Variants in PRKAR1A observed in about 807,000 individuals in gnomAD.
PRKAR1A encodes protein kinase cAMP-dependent type I regulatory subunit alpha.
Under a neutral mutation model 52.0 loss-of-function variants are expected in PRKAR1A, and 3 were observed. The ratio of observed to expected loss-of-function variants is 0.06; its 90% confidence interval spans 0.03 to 0.15. The LOEUF (loss-of-function observed/expected upper bound fraction) is 0.15, where lower values mean the gene tolerates loss of function less well. PRKAR1A is among the 10% of genes least tolerant of loss of function. The pLI is 1.00. For missense variants in PRKAR1A, 240 were observed against 477.4 expected, an observed-to-expected ratio of 0.50 and a Z score of 4.63; for synonymous variants, 188 against 168.4, an observed-to-expected ratio of 1.12 and a Z score of -0.90.
the PRKAR1A span, among the ~76,000 whole-genome samples, chr17:68,489,316 GTATATATATATATATATGGAAAGTATA>G: frequency 7.3e-4 from 19 of 26,176 alleles, no homozygotes; most frequent in African/African-American, 3.4e-3. Flanking sequence ...TATATGGAAA[GTATATATATATATATATGGAAAGTATA>G]TATATATATA....
chr17:68,538,390 A>T (rs551001105), downstream of PRKAR1A, among the ~76,000 whole-genome samples: 1 of 152,376 alleles, frequency 6.6e-6, no homozygotes, highest in East Asian at 1.9e-4. Flanking sequence ...CCTAAGACAT[A>T]GATGAGGAAT....
At chr17:68,471,348 T>C in the PRKAR1A span, among the ~76,000 whole-genome samples, 11 of 152,180 alleles carry the variant, frequency 7.2e-5, no homozygotes, top group Non-Finnish European at 1.5e-4. Flanking sequence ...TATATGAATA[T>C]GCACTGGTAA....
At chr17:68,536,637 G>A (rs575882809), downstream of PRKAR1A, 104 of 452,172 alleles carry the variant, frequency 2.3e-4, 4 homozygotes, top group South Asian at 1.5e-3. Context: ...ATTGTGGTTG[G>A]TGGGCTGTAG....
the PRKAR1A span, chr17:68,436,313 A>T: frequency 6.9e-7 from 1 of 1,450,124 alleles, no homozygotes; most frequent in Non-Finnish European, 9.7e-7. Context: ...GGGCGTCCTT[A>T]TCTATCTCCT....
intron 5 of PRKAR1A, 82 bp from the exon 6 acceptor site, chr17:68,524,830 A>G (rs2085735155): frequency 8.7e-7 from 1 of 1,152,928 alleles, no homozygotes; most frequent in Admixed American, 1.7e-5. Context: ...CCACTGTAAA[A>G]TAAGTTTATT....
chr17:68,510,141 C>CAT (rs112768795), upstream of PRKAR1A, among the ~76,000 whole-genome samples: 854 of 120,552 alleles, frequency 7.1e-3, 9 homozygotes, highest in African/African-American at 0.024. Context: ...TACTGAACAC[C>CAT]ATATATATAT....
At chr17:68,421,881 A>G in the PRKAR1A span, 3 of 1,606,796 alleles carry the variant, frequency 1.9e-6, no homozygotes, top group South Asian at 3.3e-5. Flanking sequence ...AGGCAGGTGC[A>G]TTATCAACAG....
exon 12 of PRKAR1A, chr17:68,551,107 A>G: frequency 8.1e-7 from 1 of 1,234,272 alleles, no homozygotes; most frequent in Non-Finnish European, 1.0e-6. Context: ...CTCAAGGAGG[A>G]GCATTCCCCT....
chr17:68,488,562 T>C, the PRKAR1A span, among the ~76,000 whole-genome samples: 1 of 151,704 alleles, frequency 6.6e-6, no homozygotes, highest in Non-Finnish European at 1.5e-5. Flanking sequence ...ACCCCATCTC[T>C]ACTAAAAATA....
In PRKAR1A at chr17:68,540,811, A is replaced by G. The variant is rs1222937052; in HGVS notation, c.974-10273A>G. On this transcript the variant is annotated intron_variant, in intron 11 of 11. Coordinates refer to the PRKAR1A transcript ENST00000585981. ...ACGGGGAACCCTAGCCACATAGCAG[A>G]GCCCACTTCTGCTGGGGGCCTGCGT... The G allele has an allele frequency of 2.6e-6, 4 of 1,565,788 alleles. No individual in the cohort carries two copies. The East Asian group carries it at 7.0e-5, about 27-fold the overall frequency.
the PRKAR1A span, among the ~76,000 whole-genome samples, chr17:68,477,835 AC>A: frequency 1.3e-5 from 2 of 151,688 alleles, no homozygotes; most frequent in African/African-American, 4.8e-5. Context: ...CGATTCTCCC[AC>A]CTCAGCCTCC....
chr17:68,540,452 G>A (rs2086234218), intron 11 of PRKAR1A: 1 of 467,918 alleles, frequency 2.1e-6, no homozygotes. Context: ...AGAAGTCCCT[G>A]TGGGCCTGGA....
intron 11 of PRKAR1A, among the ~76,000 whole-genome samples, chr17:68,550,215 T>A (rs969560636): frequency 1.3e-5 from 2 of 152,110 alleles, no homozygotes; most frequent in East Asian, 3.8e-4. Context: ...ACAAAAGCAA[T>A]ATTTCTAAAT....
chr17:68,532,821 T>C lies in PRKAR1A; in HGVS notation c.*2372T>C, dbSNP rs1400931730. The C allele has an allele frequency of 2.8e-6, 3 of 1,066,276 alleles. No homozygotes were observed. Among genetic ancestry groups the C allele is most frequent in the Non-Finnish European group, 2.3e-6 (2 of 879,738 alleles). 66.1% of individuals were successfully genotyped at this position (1,066,276 alleles called of 1,614,324 possible). On this transcript the variant is annotated 3_prime_UTR_variant, in exon 11 of 11. Coordinates refer to ENST00000589228, the MANE Select transcript of PRKAR1A (RefSeq NM_002734.5). ...CTTTCCGTCTTTCCTCTCTCTGTCCTTCCCCGAAAGTCTACTCGGGTGGGC... is the reference window on the plus strand; with the variant it reads ...CTTTCCGTCTTTCCTCTCTCTGTCCCTCCCCGAAAGTCTACTCGGGTGGGC...
downstream of PRKAR1A, chr17:68,535,418 C>G (rs2086072305): frequency 4.4e-6 from 2 of 453,950 alleles, no homozygotes; most frequent in Non-Finnish European, 8.8e-6. Flanking sequence ...TGAGGTAGAG[C>G]TGTAGCCTGC....
At chr17:68,437,014 A>ATGTGTGTGTGTGTGTGTGTGTGTG in the PRKAR1A span, among the ~76,000 whole-genome samples, 1 of 82,090 alleles carries the variant, frequency 1.2e-5, no homozygotes, top group East Asian at 2.4e-4. Flanking sequence ...AAATATATAT[A>ATGTGTGTGTGTGTGTGTGTGTGTG]TATGTGTGTG....
the PRKAR1A span, among the ~76,000 whole-genome samples, chr17:68,419,017 C>CAAAAAAAAA: frequency 8.9e-6 from 1 of 112,960 alleles, no homozygotes; most frequent in Non-Finnish European, 1.9e-5. Context: ...ATAGCAAAGC[C>CAAAAAAAAA]AAAAAAAAAA....
At chr17:68,465,013 C>T in the PRKAR1A span, among the ~76,000 whole-genome samples, 4 of 151,268 alleles carry the variant, frequency 2.6e-5, no homozygotes, top group African/African-American at 9.7e-5. Flanking sequence ...GCAAGCTCCA[C>T]CTCCCAGGTT....
chr17:68,421,673 C>A, the PRKAR1A span: 18 of 1,555,452 alleles, frequency 1.2e-5, no homozygotes, highest in South Asian at 1.8e-4. Flanking sequence ...TCCTGCCCCC[C>A]TTTCTGCTCA....
Sources: allele counts gnomAD v4.1 joint callset (sites outside exome capture counted in the v4.1 genomes callset), GRCh38; gene constraint gnomAD v4.1.1; transcripts MANE v1.5; gene names NCBI Gene and HGNC (gene_info 2026-07-23, HGNC 2026-07-21).